TTC23L: variants seen among roughly 807,000 people sequenced by gnomAD.
TTC23L encodes the protein tetratricopeptide repeat domain 23 like.
A neutral mutation model predicts 48.1 loss-of-function variants in TTC23L; 42 were observed. The observed-to-expected ratio is 0.87, with a 90% CI of 0.68 to 1.13. TTC23L has a LOEUF of 1.13. TTC23L is among the 50% of genes most tolerant of loss of function. TTC23L has a pLI of 0.00. For synonymous variants in TTC23L, 159 were observed against 157.2 expected (o/e 1.01, Z -0.09); for missense variants, 391 against 421.0 (o/e 0.93, Z 0.62).
intron 10 of TTC23L, among the ~76,000 whole-genome samples, chr5:34,897,364 A>G (rs2111870230): frequency 6.6e-6 from 1 of 152,286 alleles, no homozygotes; most frequent in Middle Eastern, 3.4e-3. Context: ...AGCCTGGGCA[A>G]CAGAGCAAGA....
chr5:34,852,653 G>A (rs1759771348), intron 4 of TTC23L, among the ~76,000 whole-genome samples: 1 of 152,182 alleles, frequency 6.6e-6, no homozygotes, highest in Non-Finnish European at 1.5e-5. Context: ...TATGGAGTGG[G>A]AAGGACAGGG....
At chr5:34,923,891 T>C in the TTC23L span, among the ~76,000 whole-genome samples, 1 of 152,180 alleles carries the variant, frequency 6.6e-6, no homozygotes, top group Non-Finnish European at 1.5e-5. Context: ...ATACAGAGTA[T>C]GGATTTCCTA....
At chr5:34,884,715 A>G (rs1284271038) in intron 9 of TTC23L, among the ~76,000 whole-genome samples, 1 of 152,220 alleles carries the variant, frequency 6.6e-6, no homozygotes, top group Non-Finnish European at 1.5e-5. Flanking sequence ...AATACTTAGG[A>G]ATAAACCAAG....
rs1257687614 is a variant in TTC23L at position 34,896,751 on chromosome 5, T to G, written c.1078-19T>G. 1 of 769,310 alleles carries G rather than the reference T, an allele frequency of 1.3e-6. No homozygotes were observed. The highest frequency in any genetic ancestry group is 2.4e-6 in the Non-Finnish European group (1 of 412,612). The allele number at this position is 769,310 out of a possible 1,614,324, so 47.7% of individuals were successfully genotyped here. The stretch of plus-strand genomic sequence containing the variant: ...AAAACACTTCATAGAGAGGGTGACA[T>G]TTGAGCCATTTCTTAAAGGACAAGT... On this transcript the variant is annotated intron_variant, in intron 9 of 10. Transcript: ENST00000505624.
intron 9 of TTC23L, chr5:34,888,612 C>A: frequency 2.7e-6 from 2 of 736,690 alleles, no homozygotes; most frequent in Middle Eastern, 7.1e-4. Flanking sequence ...CCAGTTCAAC[C>A]AGGTAGGGGT....
intron 1 of TTC23L, among the ~76,000 whole-genome samples, chr5:34,839,968 C>A (rs113356200): frequency 6.6e-6 from 1 of 152,142 alleles, no homozygotes; most frequent in Non-Finnish European, 1.5e-5. Context: ...AGTGCAGTGG[C>A]GCGATCTCCG....
At chr5:34,881,013 G>T (rs530815157) in intron 9 of TTC23L, among the ~76,000 whole-genome samples, 1 of 152,048 alleles carries the variant, frequency 6.6e-6, no homozygotes, top group Non-Finnish European at 1.5e-5. Context: ...TCTGTAAAAT[G>T]TTATTTTTGG....
intron 8 of TTC23L, among the ~76,000 whole-genome samples, chr5:34,878,003 T>C (rs1262958307): frequency 6.6e-6 from 1 of 152,228 alleles, no homozygotes; most frequent in Non-Finnish European, 1.5e-5. Flanking sequence ...AAGTTTAATA[T>C]GCAGAAGTCA....
intron 8 of TTC23L, among the ~76,000 whole-genome samples, chr5:34,875,834 T>C (rs1335721124): frequency 6.6e-6 from 1 of 152,150 alleles, no homozygotes; most frequent in African/African-American, 2.4e-5. Context: ...AATAGCAGAA[T>C]GCACATTCTT....
the TTC23L span, among the ~76,000 whole-genome samples, chr5:34,923,889 T>C: frequency 6.6e-6 from 1 of 152,172 alleles, no homozygotes; most frequent in Non-Finnish European, 1.5e-5. Context: ...TGATACAGAG[T>C]ATGGATTTCC....
exon 2 of TTC23L, chr5:34,840,673 T>C: frequency 3.7e-6 from 6 of 1,613,978 alleles, no homozygotes; most frequent in Non-Finnish European, 5.1e-6. Flanking sequence ...AGGAAGAAGA[T>C]GCAAGCCAGC....
chr5:34,911,547 C>G, the TTC23L span: 3 of 1,613,822 alleles, frequency 1.9e-6, no homozygotes, highest in Non-Finnish European at 2.5e-6. Flanking sequence ...GCACTGCTCT[C>G]AAGTACCTGA....
At chr5:34,923,143 C>T in the TTC23L span, 5 of 1,612,942 alleles carry the variant, frequency 3.1e-6, no homozygotes, top group Admixed American at 3.3e-5. Flanking sequence ...ATCTTTAGTA[C>T]ACCACGGTAT....
intron 5 of TTC23L, 62 bp from the exon 6 acceptor site, chr5:34,864,375 C>T (rs1760895607): frequency 5.1e-6 from 8 of 1,570,308 alleles, no homozygotes; most frequent in Admixed American, 1.9e-5. Context: ...TTCCTTATCA[C>T]CTGCTGTCCC....
At chr5:34,914,154 A>G in the TTC23L span, 4 of 322,746 alleles carry the variant, frequency 1.2e-5, no homozygotes, top group South Asian at 1.0e-4. Flanking sequence ...TTACTTTGGA[A>G]GAACAAAAAT....
intron 9 of TTC23L, among the ~76,000 whole-genome samples, chr5:34,895,800 G>A (rs956881738): frequency 1.3e-5 from 2 of 152,220 alleles, no homozygotes; most frequent in Non-Finnish European, 2.9e-5. Flanking sequence ...ATATGCTGCA[G>A]TACATTTTGT....
intron 9 of TTC23L, among the ~76,000 whole-genome samples, chr5:34,893,287 T>C (rs1762988440): frequency 6.6e-6 from 1 of 152,124 alleles, no homozygotes; most frequent in Non-Finnish European, 1.5e-5. Flanking sequence ...AGGAATAATC[T>C]TGGAGGATTT....
At chr5:34,896,536 T>C (rs983298054) in intron 9 of TTC23L, among the ~76,000 whole-genome samples, 5 of 152,200 alleles carry the variant, frequency 3.3e-5, no homozygotes, top group African/African-American at 1.2e-4. Context: ...AAACATTTTT[T>C]GAGCACCTAC....
chr5:34,879,358 A>T (rs1006860809), intron 8 of TTC23L, among the ~76,000 whole-genome samples: 1 of 152,172 alleles, frequency 6.6e-6, no homozygotes, highest in Non-Finnish European at 1.5e-5. Context: ...AAATTTTCCC[A>T]TTGTTTCTGT....
Sources: allele counts gnomAD v4.1 joint callset (sites outside exome capture counted in the v4.1 genomes callset), GRCh38; gene constraint gnomAD v4.1.1; transcripts MANE v1.5; gene names NCBI Gene and HGNC (gene_info 2026-07-23, HGNC 2026-07-21).